Variants in GANC observed in about 807,000 individuals in gnomAD.
GANC encodes the protein glucosidase alpha, neutral C.
Under a neutral mutation model 124.2 loss-of-function variants are expected in GANC, and 117 were observed. The observed-to-expected ratio is 0.94, with a 90% CI of 0.81 to 1.10. GANC has a LOEUF of 1.10. Ranked by LOEUF, GANC falls within the 50% of genes least tolerant of loss-of-function variation. The pLI is 0.00. For missense variants in GANC, 1,140 were observed against 1,095.0 expected (o/e 1.04, Z -0.58); for synonymous variants, 377 against 376.8 (o/e 1.00, Z -0.01).
chr15:42,303,585 A>G (rs2051966696), intron 6 of GANC, among the ~76,000 whole-genome samples: 1 of 151,382 alleles, frequency 6.6e-6, no homozygotes, highest in Non-Finnish European at 1.5e-5. Flanking sequence ...GTCAAGACCC[A>G]CCAGTGTGCT....
intron 19 of GANC, among the ~76,000 whole-genome samples, chr15:42,344,405 T>G (rs1216244079): frequency 6.6e-6 from 1 of 152,168 alleles, no homozygotes; most frequent in Non-Finnish European, 1.5e-5. Flanking sequence ...TTCCTCTGTG[T>G]GTCTCTGTCT....
At chr15:42,350,357 A>T (rs977457826) in intron 22 of GANC, among the ~76,000 whole-genome samples, 6 of 151,480 alleles carry the variant, frequency 4.0e-5, no homozygotes, top group African/African-American at 1.5e-4. Flanking sequence ...ATGAAAAAGG[A>T]CTTAATTTAA....
At chr15:42,284,506 G>A (rs988124979) in intron 3 of GANC, 2 of 154,608 alleles carry the variant, frequency 1.3e-5, no homozygotes, top group African/African-American at 2.4e-5. Flanking sequence ...AGACTGAGAG[G>A]CGGGCTTCTA....
rs371900032 is a variant in GANC at position 42,343,149 on chromosome 15, A to G, written c.2224A>G (p.Asn742Asp). 1 of 1,613,742 alleles carries G rather than the reference A, an allele frequency of 6.2e-7. No homozygotes were observed. Among genetic ancestry groups the G allele is most frequent in the African/African-American group, 1.3e-5 (1 of 74,928 alleles). The change falls in exon 19 of 24, where the codon AAT becomes GAT. Residue 742 changes from asparagine (N) to aspartate (D), a missense_variant. Transcript: ENST00000318010. ...TTVDVFLPGS[N>D]EVWYDYKTFA... is the part of the protein sequence containing the mutation. Reference sequence around the variant, plus strand: ...AGTTGATGTGTTTCTTCCAGGATCAAATGAGGTAAGAGTAATAACAGCCAC... The same window carrying G: ...AGTTGATGTGTTTCTTCCAGGATCAGATGAGGTAAGAGTAATAACAGCCAC...
intron 13 of GANC, 37 bp downstream of exon 13, chr15:42,327,479 G>C: frequency 7.1e-7 from 1 of 1,415,834 alleles, no homozygotes; most frequent in Non-Finnish European, 1.0e-6. Flanking sequence ...CTAGTTACCT[G>C]AAAGAGTGAA....
At chr15:42,311,067 A>G (rs2052045881) in intron 10 of GANC, among the ~76,000 whole-genome samples, 1 of 152,236 alleles carries the variant, frequency 6.6e-6, no homozygotes, top group Non-Finnish European at 1.5e-5. Context: ...AATACTTGCC[A>G]TCTGCTTTCC....
chr15:42,273,584 T>G lies in GANC; in HGVS notation c.-898T>G. 2.0e-6 allele frequency: 2 copies of G among 1,002,020 alleles called. No individual in the cohort carries two copies. Among genetic ancestry groups the G allele is most frequent in the Non-Finnish European group, 2.8e-6 (2 of 702,326 alleles). The allele number at this position is 1,002,020 out of a possible 1,614,324, so 62.1% of individuals were successfully genotyped here. A position where few individuals can be genotyped will look rare whatever the true frequency, so the allele number is the denominator to read the frequency against. On this transcript the variant is annotated 5_prime_UTR_variant, in exon 1 of 24. Transcript: ENST00000318010. ...GTGCGCCGTGAGACTTTGGACCTAC[T>G]GCGCAGGCGTCATCCTGTTGGAACC...
chr15:42,283,882 T>C (rs1364805932), intron 3 of GANC: 1 of 702,506 alleles, frequency 1.4e-6, no homozygotes, highest in African/African-American at 1.7e-5. Context: ...CAGTTGTCCT[T>C]GGGGAACAGG....
chr15:42,351,296 C>G, intron 22 of GANC, 33 bp from the exon 23 acceptor site: 1 of 1,530,784 alleles, frequency 6.5e-7, no homozygotes, highest in Non-Finnish European at 9.0e-7. Flanking sequence ...ACCCCCATCC[C>G]TCTCCTTTTA....
At chr15:42,312,065 G>A (rs896499506) in intron 10 of GANC, among the ~76,000 whole-genome samples, 1 of 152,160 alleles carries the variant, frequency 6.6e-6, no homozygotes, top group Non-Finnish European at 1.5e-5. Context: ...CATGTTCATA[G>A]GTTGGAAGGC....
At position 42,347,459 on chromosome 15, in the gene GANC, A is replaced by G. The variant is rs531170924; in HGVS notation, c.2305-644A>G. ...CCTGGAGTGCCATTCCAGAAGACTC[A>G]TAGTTATGGGCCTGTTGTTAGGGTC... On this transcript the variant is annotated intron_variant, in intron 20 of 23. Coordinates refer to ENST00000318010, the MANE Select transcript of GANC (RefSeq NM_198141.3). Among the ~76,000 whole-genome samples, 158 of 152,266 alleles carry G rather than the reference A, an allele frequency of 1.0e-3. 1 individual carries two copies. Among genetic ancestry groups the G allele is most frequent in the African/African-American group, 3.5e-3 (145 of 41,550 alleles).
chr15:42,320,304 A>G (rs2052145358), intron 10 of GANC, among the ~76,000 whole-genome samples: 1 of 152,214 alleles, frequency 6.6e-6, no homozygotes, highest in Admixed American at 6.5e-5. Context: ...AGTCTTGTTT[A>G]AGGGTATAAT....
intron 12 of GANC, 138 bp downstream of exon 12, chr15:42,326,562 G>C: frequency 7.1e-7 from 1 of 1,404,400 alleles, no homozygotes; most frequent in Non-Finnish European, 9.6e-7. Flanking sequence ...TTAATGAAGA[G>C]ATAGGTTTGC....
Position 42,292,829 on chromosome 15 carries a change from G to T in GANC, c.424G>T (p.Asp142Tyr), listed in dbSNP as rs748125476. 6.2e-7 allele frequency: 1 copy of T among 1,614,136 alleles called. No homozygotes were observed. The highest frequency in any genetic ancestry group is 1.3e-5 in the African/African-American group (1 of 75,052). ...TATCACAGCAAACCCATTCAAGGTA[G>T]ACTTGGTGTCTGAAGAAGAGGTTGT... ...CHITANPFKV[D>Y]LVSEEEVVIS... The change falls in exon 5 of 24, where the codon GAC becomes TAC. Residue 142 changes from aspartate to tyrosine, a missense_variant. Physicochemically the swap from Asp to Tyr is radical, Grantham distance 160. Transcript: ENST00000318010.
At chr15:42,301,525 G>A (rs542191731) in intron 6 of GANC, among the ~76,000 whole-genome samples, 57 of 152,092 alleles carry the variant, frequency 3.7e-4, no homozygotes, top group Admixed American at 1.0e-3. Context: ...CCCTGGAAAG[G>A]GGGCTGAAGC....
At chr15:42,286,966 C>T (rs1030975169) in intron 3 of GANC, among the ~76,000 whole-genome samples, 2 of 152,194 alleles carry the variant, frequency 1.3e-5, no homozygotes, top group African/African-American at 4.8e-5. Context: ...TCTAGGTGCT[C>T]ATTTTGTAGC....
At position 42,304,279 on chromosome 15, in the gene GANC, G is replaced by A. The variant is rs113736940; in HGVS notation, c.559-2267G>A. Reference sequence around the variant, plus strand: ...CTACTGGGTAAATGACGAAATGAAGGCAGAAATAAACAAGTTCTTTGAAAC... The same window carrying A: ...CTACTGGGTAAATGACGAAATGAAGACAGAAATAAACAAGTTCTTTGAAAC... On this transcript the variant is annotated intron_variant, in intron 6 of 23. Coordinates refer to ENST00000318010, the MANE Select transcript of GANC (RefSeq NM_198141.3). Among the ~76,000 whole-genome samples the A allele has an allele frequency of 8.1e-3, 1,232 of 152,282 alleles. 9 individuals carry two copies. Among genetic ancestry groups the A allele is most frequent in the Middle Eastern group, 0.037 (11 of 294 alleles).
Position 42,338,393 on chromosome 15 carries a change from C to T in GANC, c.1746C>T (p.Ala582=), listed in dbSNP as rs183259616. Residue 582 remains alanine, a synonymous_variant, in exon 16 of 24, where the codon GCC becomes GCT. Coordinates refer to ENST00000318010, the MANE Select transcript of GANC (RefSeq NM_198141.3). ...SFFAGSQKYG[A]VWTGDNTAEW... is the part of the protein sequence containing the mutation. ...CATTGTTGCTGGTGACCAAAGGTGC[C>T]GTGTGGACAGGCGACAACACAGCAG... is the stretch of plus-strand genomic sequence containing the variant. 125 of 1,611,994 alleles carry T rather than the reference C, an allele frequency of 7.8e-5. No individual in the cohort carries two copies. The highest frequency in any genetic ancestry group is 1.0e-4 in the Non-Finnish European group (123 of 1,178,360).
intron 21 of GANC, among the ~76,000 whole-genome samples, chr15:42,348,553 G>A (rs577116985): frequency 2.5e-4 from 38 of 152,222 alleles, no homozygotes; most frequent in Middle Eastern, 3.4e-3. Context: ...CCCATAAAAC[G>A]GTACCCATGT....
Sources: allele counts gnomAD v4.1 joint callset (sites outside exome capture counted in the v4.1 genomes callset), GRCh38; gene constraint gnomAD v4.1.1; transcripts MANE v1.5; gene names NCBI Gene and HGNC (gene_info 2026-07-23, HGNC 2026-07-21).